Variants in NRG3 observed in about 807,000 individuals in gnomAD.
The protein encoded by NRG3 is pro-neuregulin-3, membrane-bound isoform.
In NRG3, 31 loss-of-function variants were observed where a neutral mutation model predicts 66.9. The ratio of observed to expected loss-of-function variants is 0.46; its 90% confidence interval spans 0.35 to 0.63. The LOEUF (loss-of-function observed/expected upper bound fraction) is 0.63. NRG3 is among the 20% of genes least tolerant of loss of function. The pLI is 0.00. For synonymous variants in NRG3, 393 were observed against 359.4 expected (o/e 1.09, Z -1.06); for missense variants, 910 against 878.9 (o/e 1.04, Z -0.45).
intron 2 of NRG3, among the ~76,000 whole-genome samples, chr10:82,478,056 G>T (rs934725792): frequency 1.3e-5 from 2 of 152,112 alleles, no homozygotes; most frequent in Non-Finnish European, 2.9e-5. Context: ...TGCATAATTA[G>T]TCTGAAAGTA....
At chr10:82,337,656 T>G (rs984635590) in intron 1 of NRG3, among the ~76,000 whole-genome samples, 2 of 152,218 alleles carry the variant, frequency 1.3e-5, no homozygotes, top group Non-Finnish European at 2.9e-5. Flanking sequence ...TTGTTGTCCG[T>G]TCTAATGGGT....
At chr10:82,759,034 G>C (rs1267065484) in intron 3 of NRG3, among the ~76,000 whole-genome samples, 1 of 152,104 alleles carries the variant, frequency 6.6e-6, no homozygotes, top group African/African-American at 2.4e-5. Flanking sequence ...CAATGGGGCA[G>C]TGTTGGGAGG....
At chr10:82,671,825 A>G (rs970319855) in intron 2 of NRG3, among the ~76,000 whole-genome samples, 11 of 152,232 alleles carry the variant, frequency 7.2e-5, no homozygotes, top group Non-Finnish European at 1.3e-4. Flanking sequence ...GTGGGAGATA[A>G]TTAGGCAGCA....
chr10:82,130,631 G>A (rs1305839787), intron 1 of NRG3, among the ~76,000 whole-genome samples: 1 of 152,080 alleles, frequency 6.6e-6, no homozygotes, highest in African/African-American at 2.4e-5. Flanking sequence ...GTTCTCTATA[G>A]TTGTTGTACT....
intron 3 of NRG3, among the ~76,000 whole-genome samples, chr10:82,742,008 T>A (rs2134799075): frequency 6.6e-6 from 1 of 152,288 alleles, no homozygotes; most frequent in Admixed American, 6.5e-5. Flanking sequence ...GCTCATGATA[T>A]CTTCAGAATG....
intron 1 of NRG3, among the ~76,000 whole-genome samples, chr10:82,177,959 G>A (rs2073156359): frequency 6.6e-6 from 1 of 152,198 alleles, no homozygotes; most frequent in Non-Finnish European, 1.5e-5. Context: ...CAAAAGTGCT[G>A]GGATTATAGG....
intron 2 of NRG3, among the ~76,000 whole-genome samples, chr10:82,417,268 AAGAG>A (rs1342188951): frequency 2.0e-5 from 3 of 152,072 alleles, no homozygotes; most frequent in African/African-American, 7.2e-5. Flanking sequence ...ATGGTTCAAT[AAGAG>A]AGAGAGACCT....
chr10:82,708,495 G>A (rs567784861), intron 2 of NRG3, among the ~76,000 whole-genome samples: 1 of 152,262 alleles, frequency 6.6e-6, no homozygotes, highest in South Asian at 2.1e-4. Flanking sequence ...CCTGGTGTCT[G>A]TGGCTCCCTT....
intron 1 of NRG3, among the ~76,000 whole-genome samples, chr10:82,113,221 A>G (rs1475528357): frequency 6.6e-6 from 1 of 152,126 alleles, no homozygotes; most frequent in Non-Finnish European, 1.5e-5. Flanking sequence ...CAACAACCCT[A>G]TGGAGATGGG....
At chr10:82,129,730 T>A (rs1002953708) in intron 1 of NRG3, among the ~76,000 whole-genome samples, 1 of 152,014 alleles carries the variant, frequency 6.6e-6, no homozygotes, top group African/African-American at 2.4e-5. Context: ...CCGGCTAATT[T>A]TTGTATTTTT....
chr10:82,809,822 C>A (rs755869136), intron 3 of NRG3, among the ~76,000 whole-genome samples: 1 of 152,052 alleles, frequency 6.6e-6, no homozygotes, highest in Non-Finnish European at 1.5e-5. Flanking sequence ...CAGTGATTTA[C>A]ACCCCCATTC....
At chr10:82,960,131 G>A (rs1194125483) in intron 6 of NRG3, among the ~76,000 whole-genome samples, 1 of 152,182 alleles carries the variant, frequency 6.6e-6, no homozygotes, top group Non-Finnish European at 1.5e-5. Context: ...TCGCTATTAT[G>A]ATGTCCATAA....
At chr10:82,438,319 C>T (rs972095790) in intron 2 of NRG3, among the ~76,000 whole-genome samples, 25 of 152,358 alleles carry the variant, frequency 1.6e-4, no homozygotes, top group African/African-American at 5.5e-4. Flanking sequence ...CCTGAAGAGG[C>T]CCTCTGGCCA....
chr10:82,784,725 G>A (rs2060270585), intron 3 of NRG3, among the ~76,000 whole-genome samples: 1 of 151,916 alleles, frequency 6.6e-6, no homozygotes, highest in South Asian at 2.1e-4. Context: ...GAGAGGATAT[G>A]GAGAAATAGG....
At position 82,634,060 on chromosome 10, in the gene NRG3, C is replaced by T. The variant is rs151241886; in HGVS notation, c.954-104517C>T. ...AGAGATTATGGTTCATAAAGGACAACGGGCCCATGAGATATTAGCAGCATG... is the reference window on the plus strand; with the variant it reads ...AGAGATTATGGTTCATAAAGGACAATGGGCCCATGAGATATTAGCAGCATG... On this transcript the variant is annotated intron_variant, in intron 2 of 8. Transcript: ENST00000372141. Among the ~76,000 whole-genome samples, 550 of 152,258 alleles carry T rather than the reference C, an allele frequency of 3.6e-3. 6 individuals carry two copies. Among genetic ancestry groups the T allele is most frequent in the African/African-American group, 0.012 (513 of 41,560 alleles).
intron 3 of NRG3, among the ~76,000 whole-genome samples, chr10:82,852,297 G>A (rs567438902): frequency 8.2e-4 from 125 of 152,114 alleles, no homozygotes; most frequent in Middle Eastern, 6.8e-3. Context: ...TGTCAGGGGC[G>A]TAGGGGGAAA....
At chr10:82,011,457 T>C (rs1032082252) in intron 1 of NRG3, among the ~76,000 whole-genome samples, 5 of 152,122 alleles carry the variant, frequency 3.3e-5, no homozygotes, top group African/African-American at 1.2e-4. Context: ...TCAAATCTCA[T>C]GTCCTCACAT....
At chr10:82,333,244 T>C (rs1191907804) in intron 1 of NRG3, among the ~76,000 whole-genome samples, 3 of 152,182 alleles carry the variant, frequency 2.0e-5, no homozygotes, top group Admixed American at 1.3e-4. Flanking sequence ...ATCTCCCCAG[T>C]GGGCTGCAGG....
chr10:82,271,278 G>C (rs762513367), intron 1 of NRG3, among the ~76,000 whole-genome samples: 1 of 151,994 alleles, frequency 6.6e-6, no homozygotes, highest in Non-Finnish European at 1.5e-5. Flanking sequence ...GTAGAAAAGT[G>C]ATAAATTCCA....
Sources: allele counts gnomAD v4.1 joint callset (sites outside exome capture counted in the v4.1 genomes callset), GRCh38; gene constraint gnomAD v4.1.1; transcripts MANE v1.5; gene names NCBI Gene and HGNC (gene_info 2026-07-23, HGNC 2026-07-21).